The following RIF1 variants were observed in gnomAD, a reference collection of about 807,000 sequenced individuals.
RIF1 encodes replication timing regulatory factor 1.
A neutral mutation model predicts 247.1 loss-of-function variants in RIF1; 45 were observed. The observed-to-expected ratio is 0.18, with a 90% CI of 0.14 to 0.23. The LOEUF (loss-of-function observed/expected upper bound fraction) is 0.23. Among genes scored for constraint, RIF1 ranks in the 10% least tolerant of loss-of-function variants. RIF1 has a pLI of 1.00. For missense variants in RIF1, 2,967 were observed against 2,862.5 expected, an observed-to-expected ratio of 1.04 and a Z score of -0.83; for synonymous variants, 1,087 against 978.8, an observed-to-expected ratio of 1.11 and a Z score of -2.06.
chr2:151,411,426 T>C lies in RIF1; in HGVS notation c.183+88T>C, dbSNP rs1320142068. 4 of 818,618 alleles carry C rather than the reference T, an allele frequency of 4.9e-6. No homozygotes were observed. In the East Asian group the frequency reaches 1.0e-4, roughly 21 times the overall value. 50.7% of individuals were successfully genotyped at this position (818,618 alleles called of 1,614,324 possible). On this transcript the variant is annotated intron_variant, in intron 3 of 35. Transcript: ENST00000444746. ...GTTTTTTTGTTTTGAGGTGTAGTTTTGCTCTTGTTGCCCAGGCGAGAGTGC... is the reference window on the plus strand; with the variant it reads ...GTTTTTTTGTTTTGAGGTGTAGTTTCGCTCTTGTTGCCCAGGCGAGAGTGC...
intron 4 of RIF1, among the ~76,000 whole-genome samples, chr2:151,415,874 C>CA (rs1022471653): frequency 4.0e-5 from 6 of 151,398 alleles, no homozygotes; most frequent in East Asian, 1.9e-4. Flanking sequence ...AACTCCGTCT[C>CA]AAAAAAAATC....
intron 34 of RIF1, among the ~76,000 whole-genome samples, chr2:151,471,321 C>T (rs994644575): frequency 1.3e-5 from 2 of 152,132 alleles, no homozygotes; most frequent in Non-Finnish European, 2.9e-5. Flanking sequence ...CTGTAGGTTG[C>T]CTGTTCACTC....
At chr2:151,426,847 A>G (rs1039216479) in intron 8 of RIF1, among the ~76,000 whole-genome samples, 2 of 151,358 alleles carry the variant, frequency 1.3e-5, no homozygotes, top group African/African-American at 2.4e-5. Flanking sequence ...GGGTTTTACC[A>G]TGTTGGCCAG....
downstream of RIF1, among the ~76,000 whole-genome samples, chr2:151,510,515 T>A (rs1344250893): frequency 1.3e-5 from 2 of 152,268 alleles, no homozygotes; most frequent in African/African-American, 2.4e-5. Flanking sequence ...GGTTTCACTT[T>A]CCACGGTTTC....
chr2:151,514,435 C>T, the RIF1 span: 3 of 1,582,102 alleles, frequency 1.9e-6, no homozygotes, highest in East Asian at 2.2e-5. Context: ...CTTTCTATAT[C>T]ATGAAAGAAA....
At chr2:151,482,523 A>G (rs1002435952), downstream of RIF1, among the ~76,000 whole-genome samples, 1 of 152,180 alleles carries the variant, frequency 6.6e-6, no homozygotes, top group Non-Finnish European at 1.5e-5. Flanking sequence ...GAGGCAGTCC[A>G]CATGGTGTGG....
At chr2:151,418,738 G>A (rs1218932535) in intron 6 of RIF1, among the ~76,000 whole-genome samples, 1 of 151,978 alleles carries the variant, frequency 6.6e-6, no homozygotes, top group African/African-American at 2.4e-5. Context: ...GCCGGGCGTG[G>A]TGACGCGTGC....
Position 151,465,944 on chromosome 2 carries a change from A to G in RIF1, c.6424A>G (p.Asn2142Asp), listed in dbSNP as rs1696809664. ...CTCTGAGCTAATAATAGAAGACAAT[A>G]ATGCATCTCCTCAAAAACTAAGGGA... ...AISELIIEDN[N>D]ASPQKLRELD... The change falls in exon 30 of 36, where the codon AAT becomes GAT. Residue 2142 changes from asparagine (N) to aspartate (D), a missense_variant. Physicochemically the swap from Asn to Asp is conservative, Grantham distance 23 (BLOSUM62 1). Around this residue, in one of 7 missense-constraint regions of RIF1, gnomAD observed 2,028 missense variants for 1,825.6 expected, o/e 1.11. Transcript: ENST00000444746. 2 of 1,614,064 alleles carry G rather than the reference A, an allele frequency of 1.2e-6. No individual in the cohort carries two copies. Among genetic ancestry groups the G allele is most frequent in the Admixed American group, 1.7e-5 (1 of 60,006 alleles).
chr2:151,456,591 C>G lies in RIF1; in HGVS notation c.2623C>G (p.Pro875Ala). The G allele has an allele frequency of 6.6e-7, 1 of 1,525,534 alleles. No individual in the cohort carries two copies. The highest frequency in any genetic ancestry group is 9.0e-7 in the Non-Finnish European group (1 of 1,110,044). 94.5% of individuals were successfully genotyped at this position (1,525,534 alleles called of 1,614,324 possible). A position where few individuals can be genotyped will look rare whatever the true frequency, so the allele number is the denominator to read the frequency against. ...FYENSKLDEV[P>A]KVYSCLNNKL... is the part of the protein sequence containing the mutation. ...TATCCTTCCTAGGCTTGATGAAGTTCCTAAAGTATATAGTTGTCTGAACAA... is the reference window on the plus strand; with the variant it reads ...TATCCTTCCTAGGCTTGATGAAGTTGCTAAAGTATATAGTTGTCTGAACAA... Residue 875 changes from proline to alanine, a missense_variant, in exon 23 of 36, where the codon CCT becomes GCT. Physicochemically the swap from Pro to Ala is conservative, Grantham distance 27. This residue lies in a region of RIF1 where 2,028 missense variants were observed against 1,825.6 expected (regional missense o/e 1.11). Transcript: ENST00000444746.
Position 151,463,816 on chromosome 2 carries a change from A to G in RIF1, c.4296A>G (p.Gln1432=), listed in dbSNP as rs1179190896. 8 of 1,612,270 alleles carry G rather than the reference A, an allele frequency of 5.0e-6. No homozygotes were observed. The highest frequency in any genetic ancestry group is 5.9e-6 in the Non-Finnish European group (7 of 1,179,620). ...SEVVESTTES[Q]DKENSHQKKE... ...TAGTAGAGTCTACCACTGAAAGCCA[A>G]GATAAGGAAAATAGTCATCAAAAAA... Residue 1432 remains glutamine, a synonymous_variant, in exon 30 of 36, where the codon CAA becomes CAG. Transcript: ENST00000444746.
the RIF1 span, chr2:151,514,562 A>G: frequency 1.3e-6 from 1 of 746,008 alleles, no homozygotes; most frequent in East Asian, 2.5e-5. Context: ...GAATACAGGC[A>G]GGGTATAAGC....
Position 151,438,559 on chromosome 2 carries a change from G to A in RIF1, c.1484-125G>A. On this transcript the variant is annotated intron_variant, in intron 13 of 35. Transcript: ENST00000444746. ...CTTACTACAGGGTTGAGTATCATGA[G>A]GAAAATTAAATTAAGTATTGTTCAA... is the stretch of plus-strand genomic sequence containing the variant. The A allele has an allele frequency of 8.9e-6, 6 of 676,906 alleles. No individual in the cohort carries two copies. The East Asian group carries it at 1.7e-4, about 19-fold the overall frequency. 41.9% of individuals were successfully genotyped at this position (676,906 alleles called of 1,614,324 possible).
the RIF1 span, chr2:151,524,201 T>C: frequency 1.1e-6 from 1 of 892,874 alleles, no homozygotes. Flanking sequence ...TTTGCAGTAC[T>C]ATTACAGACC....
intron 10 of RIF1, among the ~76,000 whole-genome samples, chr2:151,498,577 G>GT (rs1163379121): frequency 1.3e-5 from 2 of 152,102 alleles, no homozygotes; most frequent in Non-Finnish European, 2.9e-5. Context: ...AAGAAAGGTT[G>GT]TTATTTTCAT....
chr2:151,457,330 T>C (rs1055797354), intron 23 of RIF1, among the ~76,000 whole-genome samples: 1 of 152,048 alleles, frequency 6.6e-6, no homozygotes, highest in Non-Finnish European at 1.5e-5. Context: ...GCCATGTTGC[T>C]CAGGCTCGTC....
chr2:151,533,527 G>C, the RIF1 span: 35 of 1,550,418 alleles, frequency 2.3e-5, 1 homozygote, highest in South Asian at 3.7e-4. Flanking sequence ...AAACATCTTG[G>C]CACTAGATTT....
In RIF1 at chr2:151,478,315, G is replaced by C. The variant is rs1388349033; in HGVS notation, c.*3244G>C. 2 of 152,098 alleles carry C rather than the reference G, an allele frequency of 1.3e-5. No homozygotes were observed. Among genetic ancestry groups the C allele is most frequent in the African/African-American group, 2.4e-5 (1 of 41,422 alleles). 9.4% of individuals were successfully genotyped at this position (152,098 alleles called of 1,614,324 possible). A position where few individuals can be genotyped will look rare whatever the true frequency, so the allele number is the denominator to read the frequency against. On this transcript the variant is annotated 3_prime_UTR_variant, in exon 36 of 36. Transcript: ENST00000444746. ...GACCTGAACAATGTGGCGAAATCCT[G>C]TCTCTACTAAAAATACAAAAACCAG...
At position 151,498,936 on chromosome 2, in the gene RIF1, T is replaced by C. The variant is rs183693250; in HGVS notation, c.*514-409T>C. Among the ~76,000 whole-genome samples, 23 of 151,550 alleles carry C rather than the reference T, an allele frequency of 1.5e-4. No individual in the cohort carries two copies. In the East Asian group the frequency reaches 4.1e-3, roughly 27 times the overall value. ...ATATCTGTACAAATAACAGTAGAGA[T>C]AGAAAAGGTTAGAATAAGAAACGAG... is the stretch of plus-strand genomic sequence containing the variant. On this transcript the variant is annotated intron_variant and NMD_transcript_variant, in intron 10 of 13. Coordinates refer to the RIF1 transcript ENST00000454583.
At chr2:151,508,493 A>G (rs1247437743), downstream of RIF1, among the ~76,000 whole-genome samples, 1 of 152,222 alleles carries the variant, frequency 6.6e-6, no homozygotes, top group African/African-American at 2.4e-5. Flanking sequence ...AGACTGTTCA[A>G]CAGGCAGGCG....
Sources: gnomAD v4.1 joint callset for allele counts (sites outside exome capture counted in the v4.1 genomes callset) on GRCh38, gnomAD v4.1.1 for gene constraint, gnomAD v4.1.1 regional missense constraint, MANE v1.5 for transcripts, NCBI Gene and HGNC (gene_info 2026-07-23, HGNC 2026-07-21) for gene names.